The following DPP10 variants were observed in gnomAD, a reference collection of about 807,000 sequenced individuals.
The protein encoded by DPP10 is dipeptidyl peptidase like 10, also known as inactive dipeptidyl peptidase 10.
Under a neutral mutation model 120.9 loss-of-function variants are expected in DPP10, and 33 were observed. The ratio of observed to expected loss-of-function variants is 0.27; its 90% CI spans 0.21 to 0.37. The LOEUF is 0.37. Ranked by LOEUF, DPP10 falls within the 10% of genes least tolerant of loss-of-function variation. DPP10 has a pLI of 1.00. For missense variants in DPP10, 816 were observed against 942.8 expected, an observed-to-expected ratio of 0.87 and a Z score of 1.76; for synonymous variants, 337 against 326.1, an observed-to-expected ratio of 1.03 and a Z score of -0.36.
intron 7 of DPP10, among the ~76,000 whole-genome samples, chr2:115,703,104 TCACCTTTA>T (rs1378436646): frequency 2.0e-5 from 3 of 152,004 alleles, no homozygotes; most frequent in Non-Finnish European, 4.4e-5. Flanking sequence ...TGAAGGGATT[TCACCTTTA>T]GAAGGAAAAA....
At position 115,259,855 on chromosome 2, in the gene DPP10, A is replaced by ATTATCTATGTGCAT. The variant is rs1429582878; in HGVS notation, c.61-49381_61-49368dup. ...GATATATGCTATATAGCATAATTTT[A>ATTATCTATGTGCAT]TTATCTATGTGCATTTTTCTTTACT... On this transcript the variant is annotated intron_variant, in intron 1 of 25. Transcript: ENST00000410059. 5.3e-5 allele frequency among the ~76,000 whole-genome samples: 8 copies of ATTATCTATGTGCAT among 152,152 alleles called. No individual in the cohort carries two copies. In the East Asian group the frequency reaches 1.5e-3, roughly 29 times the overall value.
At chr2:114,482,921 A>G (rs1464662523) in intron 1 of DPP10, among the ~76,000 whole-genome samples, 1 of 152,210 alleles carries the variant, frequency 6.6e-6, no homozygotes, top group Non-Finnish European at 1.5e-5. Context: ...TCTCCACAAC[A>G]TCTGCATATT....
intron 1 of DPP10, among the ~76,000 whole-genome samples, chr2:115,291,571 C>T (rs574248641): frequency 6.6e-6 from 1 of 152,048 alleles, no homozygotes; most frequent in African/African-American, 2.4e-5. Context: ...AATTTATATG[C>T]CCAGTGTATC....
At chr2:115,366,701 G>T (rs1333696332) in intron 3 of DPP10, among the ~76,000 whole-genome samples, 1 of 151,984 alleles carries the variant, frequency 6.6e-6, no homozygotes, top group African/African-American at 2.4e-5. Flanking sequence ...TCTTGACTTT[G>T]CTGGGTCTTC....
At chr2:114,936,363 ATG>A (rs1328265877) in intron 1 of DPP10, among the ~76,000 whole-genome samples, 3 of 151,364 alleles carry the variant, frequency 2.0e-5, no homozygotes, top group East Asian at 2.0e-4. Context: ...GTATATATAT[ATG>A]TGTGTGTGTA....
chr2:115,329,796 A>G (rs2062597324), intron 2 of DPP10, among the ~76,000 whole-genome samples: 1 of 152,128 alleles, frequency 6.6e-6, no homozygotes, highest in Non-Finnish European at 1.5e-5. Context: ...ATAGTATTCC[A>G]TGGTGTATAT....
At chr2:115,690,263 A>G (rs1233972032) in intron 7 of DPP10, among the ~76,000 whole-genome samples, 1 of 152,032 alleles carries the variant, frequency 6.6e-6, no homozygotes, top group Non-Finnish European at 1.5e-5. Flanking sequence ...AATAAAGATT[A>G]TTTTTTCTTA....
chr2:114,772,372 C>A (rs1681347990), intron 1 of DPP10, among the ~76,000 whole-genome samples: 1 of 151,984 alleles, frequency 6.6e-6, no homozygotes, highest in Non-Finnish European at 1.5e-5. Flanking sequence ...GTTGACCAGG[C>A]TGGTCTCGAA....
chr2:114,489,838 T>C (rs1252830886), intron 1 of DPP10, among the ~76,000 whole-genome samples: 1 of 152,216 alleles, frequency 6.6e-6, no homozygotes, highest in Non-Finnish European at 1.5e-5. Flanking sequence ...GGTTTGAATA[T>C]GGTGGTAGCA....
intron 2 of DPP10, among the ~76,000 whole-genome samples, chr2:115,318,743 G>A (rs1308589998): frequency 6.6e-6 from 1 of 152,014 alleles, no homozygotes; most frequent in African/African-American, 2.4e-5. Context: ...AAACATGACT[G>A]ATTGTTTAGT....
At chr2:115,272,160 A>T (rs1416155893) in intron 1 of DPP10, among the ~76,000 whole-genome samples, 1 of 152,224 alleles carries the variant, frequency 6.6e-6, no homozygotes, top group Non-Finnish European at 1.5e-5. Flanking sequence ...CATCATTCAT[A>T]TAACTTTATT....
At chr2:114,459,349 T>C (rs745313866) in intron 1 of DPP10, among the ~76,000 whole-genome samples, 6 of 152,194 alleles carry the variant, frequency 3.9e-5, no homozygotes, top group Admixed American at 6.5e-5. Context: ...ACTACCTTCA[T>C]CACTGATTAT....
chr2:115,269,168 A>G (rs553886373), intron 1 of DPP10, among the ~76,000 whole-genome samples: 7 of 152,196 alleles, frequency 4.6e-5, no homozygotes, highest in Non-Finnish European at 8.8e-5. Context: ...GAAAAGAAAC[A>G]GAAGCTCAAT....
intron 3 of DPP10, among the ~76,000 whole-genome samples, chr2:115,439,477 T>C (rs1446913705): frequency 1.3e-5 from 2 of 152,228 alleles, no homozygotes; most frequent in East Asian, 3.8e-4. Flanking sequence ...CATTTTATGT[T>C]ACATATATTT....
chr2:114,546,055 C>T (rs1343717399), intron 1 of DPP10, among the ~76,000 whole-genome samples: 1 of 152,150 alleles, frequency 6.6e-6, no homozygotes, highest in Non-Finnish European at 1.5e-5. Flanking sequence ...TCCCCACCCA[C>T]ACTATACAGT....
At chr2:115,689,519 T>C (rs2091191198) in intron 5 of DPP10, among the ~76,000 whole-genome samples, 168 bp from the exon 6 acceptor site, 1 of 152,062 alleles carries the variant, frequency 6.6e-6, no homozygotes, top group African/African-American at 2.4e-5. Flanking sequence ...AAAGAAAAAT[T>C]AGGCATAAGG....
chr2:114,909,255 G>C lies in DPP10; in HGVS notation c.61-399984G>C, dbSNP rs115901630. Among the ~76,000 whole-genome samples the C allele has an allele frequency of 6.0e-3, 911 of 152,052 alleles. 6 individuals are homozygous for C. The highest frequency in any genetic ancestry group is 0.021 in the African/African-American group (870 of 41,522). On this transcript the variant is annotated intron_variant, in intron 1 of 25. Transcript: ENST00000410059. ...ATGATTAACACATGGATAATTAATA[G>C]TACCTATTGCATTTCTGATAGCAAA...
intron 1 of DPP10, among the ~76,000 whole-genome samples, chr2:115,187,352 C>A (rs2054540034): frequency 6.6e-6 from 1 of 152,034 alleles, no homozygotes; most frequent in Non-Finnish European, 1.5e-5. Context: ...AAGATTCTTA[C>A]AATTCATAAA....
intron 9 of DPP10, among the ~76,000 whole-genome samples, chr2:115,742,091 CTTGT>C (rs1457376701): frequency 6.6e-6 from 1 of 152,038 alleles, no homozygotes; most frequent in Non-Finnish European, 1.5e-5. Flanking sequence ...AGACTTTCCA[CTTGT>C]TTGTTTTTTT....
Sources: gnomAD v4.1 joint callset for allele counts (sites outside exome capture counted in the v4.1 genomes callset) on GRCh38, gnomAD v4.1.1 for gene constraint, MANE v1.5 for transcripts, NCBI Gene and HGNC (gene_info 2026-07-23, HGNC 2026-07-21) for gene names.